SMARCD3: variants seen among roughly 807,000 people sequenced by gnomAD.
SMARCD3 encodes the protein SWI/SNF-related matrix-associated actin-dependent regulator of chromatin subfamily D member 3.
A neutral mutation model predicts 58.0 loss-of-function variants in SMARCD3; 14 were observed. The observed-to-expected ratio is 0.24, with a 90% CI of 0.16 to 0.38. SMARCD3 has a LOEUF of 0.38. Among genes scored for constraint, SMARCD3 ranks in the 10% least tolerant of loss-of-function variants. The pLI is 1.00. For missense variants in SMARCD3, 408 were observed against 636.9 expected, an observed-to-expected ratio of 0.64 and a Z score of 3.87; for synonymous variants, 253 against 253.8, an observed-to-expected ratio of 1.00 and a Z score of 0.03.
chr7:151,242,072 G>T lies in SMARCD3; in HGVS notation c.675+65C>A. The T allele has an allele frequency of 1.3e-6, 2 of 1,537,348 alleles. No homozygotes were observed. Among genetic ancestry groups the T allele is most frequent in the Non-Finnish European group, 1.8e-6 (2 of 1,110,304 alleles). On this transcript the variant is annotated intron_variant, in intron 6 of 12. Coordinates refer to ENST00000262188, the MANE Select transcript of SMARCD3 (RefSeq NM_001003801.2). This position sits in a 1 kb window ranked among gnomAD's most constrained non-coding sequence, Gnocchi z 4.7. ...TGGTCCCTGACCCAAATCTGTGCTG[G>T]TTCTTCAGGGATTCTGGCCTGTGGG...
chr7:151,252,413 CTGAG>C (rs1027354210), upstream of SMARCD3, among the ~76,000 whole-genome samples: 59 of 135,292 alleles, frequency 4.4e-4, no homozygotes, highest in Non-Finnish European at 5.4e-4. Flanking sequence ...CTGGGGCGGC[CTGAG>C]TGAGTGTGTG....
chr7:151,252,012 C>T (rs1325640409), upstream of SMARCD3, among the ~76,000 whole-genome samples: 2 of 151,700 alleles, frequency 1.3e-5, no homozygotes, highest in Non-Finnish European at 2.9e-5. Context: ...AAGGTCAGCC[C>T]GGGGCCCAGC....
chr7:151,269,496 C>T (rs758290720), intron 2 of SMARCD3, among the ~76,000 whole-genome samples: 2 of 152,202 alleles, frequency 1.3e-5, no homozygotes, highest in Non-Finnish European at 2.9e-5. Context: ...GCCTTTCACA[C>T]CTGCAGACTG....
chr7:151,270,794 T>A (rs146168271), intron 2 of SMARCD3, among the ~76,000 whole-genome samples: 39 of 152,068 alleles, frequency 2.6e-4, no homozygotes, highest in African/African-American at 9.4e-4. Flanking sequence ...TGGGCCGGGG[T>A]CTGATGCAGG....
chr7:151,250,903 G>A (rs1330975629), upstream of SMARCD3, among the ~76,000 whole-genome samples: 1 of 152,138 alleles, frequency 6.6e-6, no homozygotes, highest in East Asian at 1.9e-4. Flanking sequence ...ACCTGATGGT[G>A]TGAGTTACCA....
chr7:151,276,691 G>A, intron 1 of SMARCD3: 1 of 79,198 alleles, frequency 1.3e-5, no homozygotes, highest in African/African-American at 5.3e-5. Context: ...AGAGTCAGGA[G>A]TGGGGGGAGA....
intron 2 of SMARCD3, among the ~76,000 whole-genome samples, chr7:151,259,608 T>TGTTTTTTTG (rs1222766142): frequency 1.8e-5 from 2 of 109,798 alleles, no homozygotes; most frequent in South Asian, 3.0e-4. Context: ...AGAGTTTTTT[T>TGTTTTTTTG]TTTTTTTTTT....
Position 151,242,066 on chromosome 7 carries a change from G to A in SMARCD3, c.675+71C>T. 2 of 1,539,076 alleles carry A rather than the reference G, an allele frequency of 1.3e-6. No individual in the cohort carries two copies. Among genetic ancestry groups the A allele is most frequent in the Middle Eastern group, 1.7e-4 (1 of 5,800 alleles). ...CTAGGGTGGTCCCTGACCCAAATCT[G>A]TGCTGGTTCTTCAGGGATTCTGGCC... On this transcript the variant is annotated intron_variant, in intron 6 of 12. Transcript: ENST00000262188. This position sits in a 1 kb window ranked among gnomAD's most constrained non-coding sequence, Gnocchi z 4.7.
intron 2 of SMARCD3, among the ~76,000 whole-genome samples, chr7:151,258,509 G>A (rs1287921547): frequency 6.8e-6 from 1 of 147,894 alleles, no homozygotes; most frequent in East Asian, 2.0e-4. Flanking sequence ...AGGTTGCAGT[G>A]AGCCAAGATT....
In SMARCD3 at chr7:151,241,385, A is replaced by T; in HGVS notation, c.939+107T>A. 1.1e-6 allele frequency: 1 copy of T among 941,870 alleles called. No homozygotes were observed. Among genetic ancestry groups the T allele is most frequent in the Non-Finnish European group, 1.7e-6 (1 of 594,516 alleles). 58.3% of individuals were successfully genotyped at this position (941,870 alleles called of 1,614,324 possible). ...ACCATGACTGTGTACTGCTTCTGCTACTCAGGAATCTAGAAGGGAGGGGTG... is the reference window on the plus strand; with the variant it reads ...ACCATGACTGTGTACTGCTTCTGCTTCTCAGGAATCTAGAAGGGAGGGGTG... On this transcript the variant is annotated intron_variant, in intron 8 of 12. Coordinates refer to ENST00000262188, the MANE Select transcript of SMARCD3 (RefSeq NM_001003801.2). This position sits in a 1 kb window ranked among gnomAD's most constrained non-coding sequence, Gnocchi z 5.3.
rs1420791216 is a variant in SMARCD3 at position 151,245,242 on chromosome 7, G to T, written c.290+218C>A. Among the ~76,000 whole-genome samples the T allele has an allele frequency of 0.053, 2 of 38 alleles. No individual in the cohort carries two copies. The highest frequency in any genetic ancestry group is 0.17 in the Non-Finnish European group (2 of 12). 0.0% of individuals were successfully genotyped at this position (38 alleles called of 152,430 possible). On this transcript the variant is annotated intron_variant, in intron 2 of 12. Transcript: ENST00000262188. The surrounding 1 kb of genome is among the most constrained non-coding windows in gnomAD (Gnocchi z 6.2). Reference sequence around the variant, plus strand: ...AGCGTGCAGGGAAGCGGTACCGGCTGCCGACGCCGCAGCCTGTCTCTACCG... The same window carrying T: ...AGCGTGCAGGGAAGCGGTACCGGCTTCCGACGCCGCAGCCTGTCTCTACCG...
intron 2 of SMARCD3, among the ~76,000 whole-genome samples, chr7:151,257,619 C>T (rs955568822): frequency 3.3e-5 from 5 of 152,120 alleles, no homozygotes; most frequent in African/African-American, 1.2e-4. Flanking sequence ...GCCACTGCAC[C>T]CGGCAAAGTC....
chr7:151,251,914 G>A (rs973027926), upstream of SMARCD3, among the ~76,000 whole-genome samples: 233 of 146,878 alleles, frequency 1.6e-3, no homozygotes, highest in Non-Finnish European at 2.5e-3. Context: ...AGCTGGGGGG[G>A]CTCGGGCCGG....
At chr7:151,260,246 C>T (rs898372143) in intron 2 of SMARCD3, among the ~76,000 whole-genome samples, 5 of 152,030 alleles carry the variant, frequency 3.3e-5, no homozygotes, top group African/African-American at 4.8e-5. Flanking sequence ...AACCAACACA[C>T]GCACCCCACC....
chr7:151,259,001 C>T (rs1235014955), intron 2 of SMARCD3, among the ~76,000 whole-genome samples: 2 of 152,096 alleles, frequency 1.3e-5, no homozygotes, highest in Non-Finnish European at 2.9e-5. Flanking sequence ...CCCTTCCACC[C>T]TTCTATATCA....
At chr7:151,266,653 G>T (rs1256730589) in intron 2 of SMARCD3, among the ~76,000 whole-genome samples, 1 of 152,180 alleles carries the variant, frequency 6.6e-6, no homozygotes, top group African/African-American at 2.4e-5. Flanking sequence ...GTAACATCCA[G>T]CCGGCAATGT....
In SMARCD3 at chr7:151,270,774, G is replaced by A. The variant is rs769298309; in HGVS notation, c.39+4340C>T. Among the ~76,000 whole-genome samples, 46 of 152,184 alleles carry A rather than the reference G, an allele frequency of 3.0e-4. 1 individual carries two copies. The highest frequency in any genetic ancestry group is 2.4e-4 in the Non-Finnish European group (16 of 68,024). Reference sequence around the variant, plus strand: ...ATTTGTGTTTAGGAAGCCCATTCTCGTTACTGTGCTGGGCCGGGGTCTGAT... The same window carrying A: ...ATTTGTGTTTAGGAAGCCCATTCTCATTACTGTGCTGGGCCGGGGTCTGAT... On this transcript the variant is annotated intron_variant, in intron 2 of 13. Transcript: ENST00000356800.
At chr7:151,261,085 A>G (rs1398232776) in intron 2 of SMARCD3, among the ~76,000 whole-genome samples, 1 of 152,158 alleles carries the variant, frequency 6.6e-6, no homozygotes, top group East Asian at 1.9e-4. Context: ...CGCTCTCGGC[A>G]AATCCTTGTA....
Position 151,248,455 on chromosome 7 carries a change from G to T in SMARCD3, c.78+30C>A. The stretch of plus-strand genomic sequence containing the variant: ...CCATTCAGCCCGAGCCAGCTCGCTT[G>T]CCCTCCCCCGCTAACTTTCCCCCAC... On this transcript the variant is annotated intron_variant, in intron 1 of 12. Transcript: ENST00000262188. This position sits in a 1 kb window ranked among gnomAD's most constrained non-coding sequence, Gnocchi z 6.1. 1 of 1,575,614 alleles carries T rather than the reference G, an allele frequency of 6.3e-7. No homozygotes were observed. Among genetic ancestry groups the T allele is most frequent in the Non-Finnish European group, 8.7e-7 (1 of 1,146,826 alleles).
Sources: gnomAD v4.1 joint callset for allele counts (sites outside exome capture counted in the v4.1 genomes callset) on GRCh38, gnomAD v4.1.1 for gene constraint, Gnocchi (gnomAD v3.1) non-coding constraint, MANE v1.5 for transcripts, NCBI Gene and HGNC (gene_info 2026-07-23, HGNC 2026-07-21) for gene names.